The following PITPNC1 variants were observed in gnomAD, a reference collection of about 807,000 sequenced individuals.
The protein encoded by PITPNC1 is cytoplasmic phosphatidylinositol transfer protein 1.
PITPNC1 carries 18 observed loss-of-function variants against 44.7 expected under a neutral mutation model. The ratio of observed to expected loss-of-function variants is 0.40; its 90% CI spans 0.28 to 0.60. PITPNC1 has a LOEUF of 0.60. Ranked by LOEUF, PITPNC1 falls within the 20% of genes least tolerant of loss-of-function variation. The pLI is 0.39. For missense variants in PITPNC1, 290 were observed against 418.4 expected, an observed-to-expected ratio of 0.69 and a Z score of 2.68; for synonymous variants, 141 against 149.6, an observed-to-expected ratio of 0.94 and a Z score of 0.42.
intron 1 of PITPNC1, among the ~76,000 whole-genome samples, chr17:67,437,993 G>C (rs913012618): frequency 3.3e-5 from 5 of 151,898 alleles, no homozygotes; most frequent in African/African-American, 1.2e-4. Context: ...GCCTGAACCT[G>C]GGAGGCGGAG....
In PITPNC1 at chr17:67,397,682, C is replaced by T. The variant is rs1036769829; in HGVS notation, c.48+19480C>T. Among the ~76,000 whole-genome samples the T allele has an allele frequency of 8.5e-5, 13 of 152,280 alleles. No homozygotes were observed. In the South Asian group the frequency reaches 2.7e-3, roughly 32 times the overall value. ...TCAGACCGGAGGACTTTGCAGCCAC[C>T]TCAAGACACACGTTTGGGTGTGTCC... On this transcript the variant is annotated intron_variant, in intron 1 of 8. Coordinates refer to ENST00000581322, the MANE Select transcript of PITPNC1 (RefSeq NM_012417.4).
At chr17:67,566,179 G>C (rs1480443180) in intron 4 of PITPNC1, among the ~76,000 whole-genome samples, 1 of 151,958 alleles carries the variant, frequency 6.6e-6, no homozygotes, top group Non-Finnish European at 1.5e-5. Flanking sequence ...CAGAATTCAT[G>C]CTGGAGTTCT....
At chr17:67,627,088 AC>A (rs35442780) in intron 5 of PITPNC1, among the ~76,000 whole-genome samples, 12,853 of 152,130 alleles carry the variant, frequency 0.084, 613 homozygotes, top group South Asian at 0.14. Context: ...CCCCATCTCT[AC>A]TAAAAATACA....
chr17:67,529,814 G>A (rs368964586), intron 1 of PITPNC1, among the ~76,000 whole-genome samples: 14 of 152,136 alleles, frequency 9.2e-5, no homozygotes, highest in African/African-American at 2.9e-4. Flanking sequence ...GGGTCGTAGC[G>A]GCGTGCGCCT....
chr17:67,662,182 G>A (rs904794668), intron 6 of PITPNC1, among the ~76,000 whole-genome samples: 4 of 152,042 alleles, frequency 2.6e-5, no homozygotes, highest in African/African-American at 4.8e-5. Context: ...GGCCGGGTGC[G>A]GTAGCGTATG....
chr17:67,473,548 A>C lies in PITPNC1; in HGVS notation c.49-59254A>C, dbSNP rs548214825. Among the ~76,000 whole-genome samples, 8 of 148,938 alleles carry C rather than the reference A, an allele frequency of 5.4e-5. No individual in the cohort carries two copies. In the South Asian group the frequency reaches 6.4e-4, roughly 12 times the overall value. The stretch of plus-strand genomic sequence containing the variant: ...GGGTTTCACCGACCTCGTGATCTGC[A>C]CGCCTCAGCCTCCCAAAGTGCTGGG... On this transcript the variant is annotated intron_variant, in intron 1 of 8. Transcript: ENST00000581322.
chr17:67,666,147 G>GTT (rs34187454), intron 6 of PITPNC1, among the ~76,000 whole-genome samples: 2 of 151,804 alleles, frequency 1.3e-5, no homozygotes, highest in African/African-American at 2.4e-5. Context: ...CTGGCCAAGT[G>GTT]TTTTTTTGTT....
At chr17:67,539,050 T>G (rs2040568415) in intron 2 of PITPNC1, among the ~76,000 whole-genome samples, 1 of 151,500 alleles carries the variant, frequency 6.6e-6, no homozygotes, top group African/African-American at 2.4e-5. Flanking sequence ...GAAATGAGAA[T>G]GGCTAATATA....
intron 6 of PITPNC1, among the ~76,000 whole-genome samples, chr17:67,633,312 A>G (rs1204576899): frequency 6.6e-6 from 1 of 152,220 alleles, no homozygotes; most frequent in African/African-American, 2.4e-5. Flanking sequence ...GAGACACAAT[A>G]AATAAACTTA....
In PITPNC1 at chr17:67,572,478, G is replaced by GA. The variant is rs912562457; in HGVS notation, c.295-5708_295-5707insA. On this transcript the variant is annotated intron_variant, in intron 4 of 8. Transcript: ENST00000581322. ...AGAAGCTGGGTAAAGCGGGGGGGGGGGGTAAAGAAGAAGGGGGGTGACTTT... is the reference window on the plus strand; with the variant it reads ...AGAAGCTGGGTAAAGCGGGGGGGGGGAGGTAAAGAAGAAGGGGGGTGACTTT... Among the ~76,000 whole-genome samples the GA allele has an allele frequency of 7.8e-4, 91 of 115,946 alleles. 1 individual carries two copies. Among genetic ancestry groups the GA allele is most frequent in the African/African-American group, 2.7e-3 (84 of 31,374 alleles). 76.1% of individuals were successfully genotyped at this position (115,946 alleles called of 152,430 possible).
chr17:67,440,370 C>A (rs996901394), intron 1 of PITPNC1, among the ~76,000 whole-genome samples: 1 of 151,952 alleles, frequency 6.6e-6, no homozygotes, highest in African/African-American at 2.4e-5. Context: ...GTTGCTAGTC[C>A]CTCTAAGCCT....
chr17:67,495,335 G>A (rs1321056136), intron 1 of PITPNC1, among the ~76,000 whole-genome samples: 1 of 152,020 alleles, frequency 6.6e-6, no homozygotes, highest in Non-Finnish European at 1.5e-5. Context: ...TGGGATTACA[G>A]GCATGAGCCA....
intron 5 of PITPNC1, among the ~76,000 whole-genome samples, chr17:67,620,832 C>T (rs2041820074): frequency 6.6e-6 from 1 of 152,168 alleles, no homozygotes; most frequent in African/African-American, 2.4e-5. Context: ...AAGCAGTTTA[C>T]CTCCCACTGT....
intron 1 of PITPNC1, among the ~76,000 whole-genome samples, chr17:67,523,907 G>A (rs1227329963): frequency 6.6e-6 from 1 of 150,948 alleles, no homozygotes; most frequent in Non-Finnish European, 1.5e-5. Flanking sequence ...CGCCTCCCGG[G>A]TTCAAGTGAT....
chr17:67,673,398 C>T (rs894791524), intron 7 of PITPNC1, among the ~76,000 whole-genome samples: 2 of 152,048 alleles, frequency 1.3e-5, no homozygotes, highest in Non-Finnish European at 2.9e-5. Flanking sequence ...ATCTCACACA[C>T]GCAGACACAC....
chr17:67,505,696 C>T (rs112400817), intron 1 of PITPNC1, among the ~76,000 whole-genome samples: 2,299 of 152,150 alleles, frequency 0.015, 30 homozygotes, highest in Non-Finnish European at 0.024. Context: ...AGGCTGGTCT[C>T]GATCTCCTGA....
intron 1 of PITPNC1, among the ~76,000 whole-genome samples, chr17:67,501,501 C>A (rs2040029208): frequency 6.6e-6 from 1 of 151,982 alleles, no homozygotes; most frequent in South Asian, 2.1e-4. Context: ...TGGATGTTAC[C>A]CTTTGGAAGT....
At chr17:67,551,002 A>G (rs2040754849) in intron 2 of PITPNC1, among the ~76,000 whole-genome samples, 1 of 152,174 alleles carries the variant, frequency 6.6e-6, no homozygotes, top group African/African-American at 2.4e-5. Flanking sequence ...CGGAGCTTGC[A>G]GTGAGCCGAG....
chr17:67,437,828 G>A (rs975024765), intron 1 of PITPNC1, among the ~76,000 whole-genome samples: 17 of 152,198 alleles, frequency 1.1e-4, no homozygotes, highest in African/African-American at 3.9e-4. Context: ...AGCACTTTGG[G>A]AGGCCGAGGC....
Sources: allele counts gnomAD v4.1 joint callset (sites outside exome capture counted in the v4.1 genomes callset), GRCh38; gene constraint gnomAD v4.1.1; transcripts MANE v1.5; gene names NCBI Gene and HGNC (gene_info 2026-07-23, HGNC 2026-07-21).